Variants in SPECC1L observed in about 807,000 individuals in gnomAD.
SPECC1L encodes cytospin-A.
SPECC1L carries 40 observed loss-of-function variants against 116.8 expected under a neutral mutation model. That is an observed-to-expected ratio of 0.34 (90% CI 0.27 to 0.45). SPECC1L has a LOEUF of 0.45. Ranked by LOEUF, SPECC1L falls within the 20% of genes least tolerant of loss-of-function variation. The pLI is 1.00. For synonymous variants in SPECC1L, 504 were observed against 500.6 expected (o/e 1.01, Z -0.09); for missense variants, 1,110 against 1,373.6 (o/e 0.81, Z 3.03).
intron 2 of SPECC1L, among the ~76,000 whole-genome samples, chr22:24,301,484 C>A (rs1338268128): frequency 6.6e-6 from 1 of 152,072 alleles, no homozygotes; most frequent in Non-Finnish European, 1.5e-5. Flanking sequence ...CCTAACCTAC[C>A]TTAAACATGG....
intron 11 of SPECC1L, among the ~76,000 whole-genome samples, chr22:24,352,284 C>T (rs2041441607): frequency 6.6e-6 from 1 of 152,170 alleles, no homozygotes; most frequent in African/African-American, 2.4e-5. Flanking sequence ...GGAAAGTGCA[C>T]AGTGACCAGA....
At chr22:24,355,998 A>G (rs778047155) in intron 11 of SPECC1L, among the ~76,000 whole-genome samples, 7 of 151,944 alleles carry the variant, frequency 4.6e-5, no homozygotes, top group Non-Finnish European at 1.0e-4. Context: ...AACCCCTACC[A>G]TACACCCCAT....
intron 3 of SPECC1L, among the ~76,000 whole-genome samples, chr22:24,303,392 C>T (rs2049422313): frequency 6.6e-6 from 1 of 152,152 alleles, no homozygotes; most frequent in Non-Finnish European, 1.5e-5. Flanking sequence ...CAGGAATAGA[C>T]CCTTGCCCAG....
rs1048950825 is a variant in SPECC1L at position 24,364,479 on chromosome 22, A to G, written c.2828-997A>G. 3.3e-5 allele frequency among the ~76,000 whole-genome samples: 5 copies of G among 152,180 alleles called. No homozygotes were observed. The East Asian group carries it at 7.7e-4, about 24-fold the overall frequency. ...GGAGTTCGAGACCAGCCTGGCCAAC[A>G]TGGCAAAACCGTGTGTCTACTGAAA... On this transcript the variant is annotated intron_variant, in intron 12 of 16. Coordinates refer to ENST00000314328, the MANE Select transcript of SPECC1L (RefSeq NM_015330.6).
chr22:24,362,186 G>A (rs2041659344), intron 11 of SPECC1L, among the ~76,000 whole-genome samples: 1 of 152,182 alleles, frequency 6.6e-6, no homozygotes, highest in Non-Finnish European at 1.5e-5. Flanking sequence ...TCGGGCTGTA[G>A]CCCTAGGTAA....
rs1300070510 is a variant in SPECC1L at position 24,416,754 on chromosome 22, T to C, written c.*2131T>C. ...GGGGGGGTAGGGGTCCCCAGGATCT[T>C]CTGGAGGAAGGTGGCCATGGATGGA... is the stretch of plus-strand genomic sequence containing the variant. On this transcript the variant is annotated 3_prime_UTR_variant, in exon 17 of 17. Coordinates refer to ENST00000314328, the MANE Select transcript of SPECC1L (RefSeq NM_015330.6). 3.9e-5 allele frequency: 6 copies of C among 152,508 alleles called. No individual in the cohort carries two copies. In the South Asian group the frequency reaches 1.0e-3, roughly 26 times the overall value. 9.4% of individuals were successfully genotyped at this position (152,508 alleles called of 1,614,324 possible).
intron 14 of SPECC1L, among the ~76,000 whole-genome samples, chr22:24,392,750 C>A (rs757331851): frequency 1.3e-5 from 2 of 152,186 alleles, no homozygotes; most frequent in Non-Finnish European, 2.9e-5. Context: ...ATAATGACGT[C>A]TATTTATATC....
At chr22:24,307,600 A>AGTGTGT (rs532530564) in intron 3 of SPECC1L, among the ~76,000 whole-genome samples, 20 of 149,668 alleles carry the variant, frequency 1.3e-4, no homozygotes, top group Non-Finnish European at 2.4e-4. Context: ...TGTGTATGTG[A>AGTGTGT]GTGTGTGTGT....
chr22:24,373,929 G>GA (rs889129961), intron 14 of SPECC1L, among the ~76,000 whole-genome samples: 137 of 148,128 alleles, frequency 9.2e-4, no homozygotes, highest in Middle Eastern at 3.5e-3. Flanking sequence ...AAATATACAA[G>GA]AAAAAAAAAA....
chr22:24,359,634 C>T (rs901296201), intron 11 of SPECC1L, among the ~76,000 whole-genome samples: 1 of 152,024 alleles, frequency 6.6e-6, no homozygotes, highest in Non-Finnish European at 1.5e-5. Flanking sequence ...GCGTGACTCT[C>T]GCTTGCCTGA....
At chr22:24,336,076 A>G (rs1049307622) in intron 9 of SPECC1L, among the ~76,000 whole-genome samples, 4 of 152,016 alleles carry the variant, frequency 2.6e-5, no homozygotes, top group African/African-American at 4.8e-5. Context: ...CTACTAAAAG[A>G]ATTAAGACAG....
intron 14 of SPECC1L, among the ~76,000 whole-genome samples, chr22:24,380,008 T>G (rs1179297524): frequency 6.6e-6 from 1 of 152,164 alleles, no homozygotes; most frequent in Non-Finnish European, 1.5e-5. Context: ...GTAACTGGGA[T>G]TACAGGCACC....
At chr22:24,335,840 A>G (rs996418025) in intron 9 of SPECC1L, among the ~76,000 whole-genome samples, 1 of 152,070 alleles carries the variant, frequency 6.6e-6, no homozygotes, top group Non-Finnish European at 1.5e-5. Flanking sequence ...TATTATACAT[A>G]GTACCATCTT....
intron 2 of SPECC1L, among the ~76,000 whole-genome samples, chr22:24,285,314 A>C (rs533709159): frequency 1.1e-3 from 173 of 152,322 alleles, no homozygotes; most frequent in African/African-American, 4.1e-3. Flanking sequence ...CTGTGGGCTG[A>C]GCATTTTCCT....
intron 2 of SPECC1L, among the ~76,000 whole-genome samples, chr22:24,299,876 G>A (rs2049341940): frequency 6.6e-6 from 1 of 151,958 alleles, no homozygotes; most frequent in Admixed American, 6.6e-5. Flanking sequence ...TCCATTAGTA[G>A]CCAGCCTCTA....
rs62233968 is a variant in SPECC1L, at chr22:24,371,870, T to C, written c.3087+2550T>C. 7.8e-3 allele frequency among the ~76,000 whole-genome samples: 1,184 copies of C among 152,292 alleles called. 9 individuals are homozygous for C. The highest frequency in any genetic ancestry group is 0.024 in the South Asian group (117 of 4,830). ...TCAAGTAGCTGGGATTACAAACGTG[T>C]GCTATCATGCCCAGCTAATTTTTGT... On this transcript the variant is annotated intron_variant, in intron 14 of 16. Coordinates refer to ENST00000314328, the MANE Select transcript of SPECC1L (RefSeq NM_015330.6).
chr22:24,395,840 C>T lies in SPECC1L; in HGVS notation c.3088-15748C>T, dbSNP rs538851878. Among the ~76,000 whole-genome samples the T allele has an allele frequency of 2.6e-5, 4 of 152,232 alleles. No individual in the cohort carries two copies. The East Asian group carries it at 7.7e-4, about 29-fold the overall frequency. On this transcript the variant is annotated intron_variant, in intron 14 of 16. Coordinates refer to ENST00000314328, the MANE Select transcript of SPECC1L (RefSeq NM_015330.6). ...ATTTTTAATAGAGACAGGGTTTCACCATGTTGGCCAGGCTGGTCTCGAACT... is the reference window on the plus strand; with the variant it reads ...ATTTTTAATAGAGACAGGGTTTCACTATGTTGGCCAGGCTGGTCTCGAACT...
intron 14 of SPECC1L, among the ~76,000 whole-genome samples, chr22:24,397,500 G>T (rs1367724080): frequency 1.3e-5 from 2 of 152,154 alleles, no homozygotes; most frequent in Non-Finnish European, 2.9e-5. Context: ...GGTGTCAGGT[G>T]CTTGGAGGGT....
At chr22:24,290,022 C>G (rs1256275325) in intron 2 of SPECC1L, among the ~76,000 whole-genome samples, 6 of 152,186 alleles carry the variant, frequency 3.9e-5, no homozygotes. Context: ...GCTTTTTATT[C>G]CACTCCACTG....
Sources: allele counts gnomAD v4.1 joint callset (sites outside exome capture counted in the v4.1 genomes callset), GRCh38; gene constraint gnomAD v4.1.1; transcripts MANE v1.5; gene names NCBI Gene and HGNC (gene_info 2026-07-23, HGNC 2026-07-21).